The following WWTR1 variants were observed in gnomAD, a reference collection of about 807,000 sequenced individuals.
WWTR1 encodes the protein WW domain containing transcription regulator 1.
WWTR1 carries 13 observed loss-of-function variants against 40.1 expected under a neutral mutation model. That is an observed-to-expected ratio of 0.32 (90% CI 0.21 to 0.52). The LOEUF is 0.52. Ranked by LOEUF, WWTR1 falls within the 20% of genes least tolerant of loss-of-function variation. The pLI is 0.97. For synonymous variants in WWTR1, 230 were observed against 210.1 expected (o/e 1.09, Z -0.82); for missense variants, 436 against 523.1 (o/e 0.83, Z 1.63).
At chr3:149,594,080 A>G (rs566350750) in intron 2 of WWTR1, among the ~76,000 whole-genome samples, 52 of 152,296 alleles carry the variant, frequency 3.4e-4, no homozygotes, top group African/African-American at 1.1e-3. Context: ...CAAGCCGTTT[A>G]TTTATGGTTT....
chr3:149,672,080 G>T (rs1201397236), intron 1 of WWTR1, among the ~76,000 whole-genome samples: 7 of 152,022 alleles, frequency 4.6e-5, no homozygotes, highest in African/African-American at 1.7e-4. Context: ...CTATTTTTGT[G>T]TGCTCTGGGA....
intron 2 of WWTR1, among the ~76,000 whole-genome samples, chr3:149,591,847 T>C (rs562010274): frequency 6.6e-6 from 1 of 152,304 alleles, no homozygotes; most frequent in South Asian, 2.1e-4. Flanking sequence ...CGGGAAAATG[T>C]ACAAATGTTA....
At chr3:149,639,492 G>A (rs76525925) in intron 2 of WWTR1, among the ~76,000 whole-genome samples, 1,772 of 152,252 alleles carry the variant, frequency 0.012, 31 homozygotes, top group African/African-American at 0.04. Flanking sequence ...ATAAGTGTGA[G>A]CCACGACAAC....
chr3:149,700,556 A>G (rs1228333479), intron 1 of WWTR1, among the ~76,000 whole-genome samples: 1 of 152,176 alleles, frequency 6.6e-6, no homozygotes, highest in African/African-American at 2.4e-5. Flanking sequence ...TACATACACT[A>G]GCCTGCCTTT....
At chr3:149,564,765 G>A (rs1302463976) in intron 3 of WWTR1, among the ~76,000 whole-genome samples, 1 of 151,964 alleles carries the variant, frequency 6.6e-6, no homozygotes, top group African/African-American at 2.4e-5. Flanking sequence ...TAAGCAATGT[G>A]TTTTTCAAAA....
Position 149,520,843 on chromosome 3 carries a change from C to T in WWTR1, c.1165G>A (p.Ala389Thr), listed in dbSNP as rs1259943968. 1 of 1,611,160 alleles carries T rather than the reference C, an allele frequency of 6.2e-7. No homozygotes were observed. Among genetic ancestry groups the T allele is most frequent in the Non-Finnish European group, 8.5e-7 (1 of 1,178,992 alleles). ...AGAAAGGGCTCACTTTTGTTCAGAG[C>T]AGACTCTACATCATTGAAGAGGGGG... The part of the protein sequence containing the change: ...LIPLFNDVES[A>T]LNKSEPFLTW... The change falls in exon 7 of 7, where the codon GCT becomes ACT. Residue 389 changes from alanine to threonine, a missense_variant. Transcript: ENST00000360632.
At chr3:149,601,026 G>A (rs1739217099) in intron 2 of WWTR1, among the ~76,000 whole-genome samples, 1 of 152,104 alleles carries the variant, frequency 6.6e-6, no homozygotes, top group Non-Finnish European at 1.5e-5. Context: ...TGTCAAGCAA[G>A]CTCTGTTTAA....
At chr3:149,564,301 T>A (rs1238623097) in intron 3 of WWTR1, among the ~76,000 whole-genome samples, 1 of 152,178 alleles carries the variant, frequency 6.6e-6, no homozygotes, top group Admixed American at 6.5e-5. Flanking sequence ...GGACCACGCT[T>A]GGATAAACAC....
intron 2 of WWTR1, among the ~76,000 whole-genome samples, chr3:149,598,084 T>C (rs1195673895): frequency 6.6e-6 from 1 of 152,150 alleles, no homozygotes; most frequent in East Asian, 1.9e-4. Flanking sequence ...CCTGAATATG[T>C]GACAGGGCCT....
At chr3:149,719,687 C>A (rs1217472425) in intron 4 of WWTR1, among the ~76,000 whole-genome samples, 2 of 152,180 alleles carry the variant, frequency 1.3e-5, no homozygotes, top group African/African-American at 4.8e-5. Flanking sequence ...TGAGAAACCA[C>A]CATACTGCTT....
At chr3:149,525,108 G>A (rs1026434350) in intron 6 of WWTR1, among the ~76,000 whole-genome samples, 1 of 152,274 alleles carries the variant, frequency 6.6e-6, no homozygotes, top group East Asian at 1.9e-4. Context: ...AGGATGCACA[G>A]GCTGGGGACA....
rs1560106326 is a variant in WWTR1 at position 149,656,764 on chromosome 3, T to TCTCTCTC, written c.431+111_431+112insGAGAGAG. ...GGAAGGACACGCACCATCTCTCTCT[T>TCTCTCTC]TCTCTCTCTCTCTCTCTCTCTCTCT... On this transcript the variant is annotated intron_variant, in intron 2 of 6. Transcript: ENST00000360632. 6.0e-5 allele frequency: 28 copies of TCTCTCTC among 468,682 alleles called. No individual in the cohort carries two copies. The African/African-American group carries it at 8.5e-4, about 14-fold the overall frequency. 29.0% of individuals were successfully genotyped at this position (468,682 alleles called of 1,614,324 possible).
intron 2 of WWTR1, among the ~76,000 whole-genome samples, chr3:149,641,140 G>C (rs1181355320): frequency 6.6e-6 from 1 of 152,042 alleles, no homozygotes; most frequent in Non-Finnish European, 1.5e-5. Flanking sequence ...AGACTTTACT[G>C]TCACTGTACA....
chr3:149,551,101 C>T (rs1197699598), intron 3 of WWTR1, among the ~76,000 whole-genome samples: 1 of 143,958 alleles, frequency 6.9e-6, no homozygotes, highest in Non-Finnish European at 1.5e-5. Context: ...AGTTTGAGAC[C>T]AGCCTGACCA....
chr3:149,574,569 C>G (rs1473533390), intron 2 of WWTR1, among the ~76,000 whole-genome samples: 1 of 152,136 alleles, frequency 6.6e-6, no homozygotes, highest in African/African-American at 2.4e-5. Context: ...TAGGAAACCA[C>G]TTTTACTTTC....
intron 2 of WWTR1, among the ~76,000 whole-genome samples, chr3:149,586,196 A>G (rs1161960435): frequency 6.6e-6 from 1 of 152,198 alleles, no homozygotes; most frequent in East Asian, 1.9e-4. Context: ...TTGTTTTGAT[A>G]TACCTTTAAA....
chr3:149,597,445 AAAG>A (rs1227308134), intron 2 of WWTR1, among the ~76,000 whole-genome samples: 5,291 of 135,506 alleles, frequency 0.039, 126 homozygotes, highest in Non-Finnish European at 0.054. Flanking sequence ...AAAAAAAAAA[AAAG>A]AAGAAGAAGA....
At position 149,657,013 on chromosome 3, in the gene WWTR1, G is replaced by C; in HGVS notation, c.294C>G (p.Thr98=). The C allele has an allele frequency of 6.3e-7, 1 of 1,595,350 alleles. No homozygotes were observed. Among genetic ancestry groups the C allele is most frequent in the Admixed American group, 1.7e-5 (1 of 58,700 alleles). The change falls in exon 2 of 7, where the codon ACC becomes ACG. Residue 98 remains threonine (T), a synonymous_variant. Coordinates refer to ENST00000360632, the MANE Select transcript of WWTR1 (RefSeq NM_015472.6). The part of the protein sequence containing the change: ...HSSPASLQLG[T]GAGAAGSPAQ... ...CGGGGCTACCCGCAGCACCCGCGCC[G>C]GTGCCCAGCTGCAGGGACGCGGGCG...
chr3:149,610,238 A>C (rs1165880721), intron 2 of WWTR1, among the ~76,000 whole-genome samples: 6 of 152,336 alleles, frequency 3.9e-5, no homozygotes, highest in African/African-American at 1.4e-4. Flanking sequence ...ATTACAAGCA[A>C]AGTACCAAAT....
Sources: allele counts gnomAD v4.1 joint callset (sites outside exome capture counted in the v4.1 genomes callset), GRCh38; gene constraint gnomAD v4.1.1; transcripts MANE v1.5; gene names NCBI Gene and HGNC (gene_info 2026-07-23, HGNC 2026-07-21).